The following HYDIN variants were observed in gnomAD, a reference collection of about 807,000 sequenced individuals.
HYDIN encodes HYDIN axonemal central pair apparatus protein.
In HYDIN, 132 loss-of-function variants were observed where a neutral mutation model predicts 403.9. The ratio of observed to expected loss-of-function variants is 0.33; its 90% CI spans 0.28 to 0.38. The LOEUF is 0.38. Ranked by LOEUF, HYDIN falls within the 10% of genes least tolerant of loss-of-function variation. The pLI, the probability that HYDIN is intolerant of heterozygous loss-of-function variation, is 1.00. For missense variants in HYDIN, 2,827 were observed against 5,009.5 expected, an observed-to-expected ratio of 0.56 and a Z score of 13.15; for synonymous variants, 1,202 against 1,891.7, an observed-to-expected ratio of 0.64 and a Z score of 9.46.
rs1372123993 is a variant in HYDIN at position 70,920,946 on chromosome 16, T to A, written c.7430A>T (p.Lys2477Met). 6.2e-7 allele frequency: 1 copy of A among 1,612,638 alleles called. No individual in the cohort carries two copies. Among genetic ancestry groups the A allele is most frequent in the East Asian group, 2.2e-5 (1 of 44,856 alleles). The change falls in exon 46 of 86, where the codon AAG (lysine) becomes ATG (methionine). Residue 2477 changes from lysine (K) to methionine (M), a missense_variant. Lys to Met is a moderately conservative substitution (Grantham distance 95, BLOSUM62 -1). Coordinates refer to ENST00000393567, the MANE Select transcript of HYDIN (RefSeq NM_001270974.2). The stretch of plus-strand genomic sequence containing the variant: ...TGCAGGAGGCAGCTGGACTCCTTGC[T>A]TCCGGTCCCAGTACATGAGGATGTT... Reference protein sequence around the residue: ...VQNILMYWDRKQGVQLPPAGM... With the variant: ...VQNILMYWDRMQGVQLPPAGM...
intron 83 of HYDIN, among the ~76,000 whole-genome samples, chr16:70,819,624 G>T (rs1228678900): frequency 6.8e-6 from 1 of 146,830 alleles, no homozygotes; most frequent in Non-Finnish European, 1.5e-5. Flanking sequence ...GACTGATAAT[G>T]TTCAGCATCT....
intron 1 of HYDIN, among the ~76,000 whole-genome samples, chr16:71,196,487 T>C (rs143336152): frequency 2.4e-4 from 36 of 152,292 alleles, no homozygotes; most frequent in African/African-American, 8.4e-4. Context: ...ATCTACACCA[T>C]TGGCTCTCCA....
At chr16:70,951,403 C>G (rs12051078) in intron 41 of HYDIN, among the ~76,000 whole-genome samples, 2 of 152,148 alleles carry the variant, frequency 1.3e-5, no homozygotes, top group African/African-American at 4.8e-5. Context: ...TGCTTCTATA[C>G]TGGAAGCAGT....
At chr16:71,190,036 C>T (rs2087350572) in intron 1 of HYDIN, among the ~76,000 whole-genome samples, 1 of 152,000 alleles carries the variant, frequency 6.6e-6, no homozygotes, top group South Asian at 2.1e-4. Context: ...AAAATAAATA[C>T]AAGCTTGCGA....
chr16:70,897,613 T>A (rs2143740023), intron 53 of HYDIN, among the ~76,000 whole-genome samples: 1 of 142,238 alleles, frequency 7.0e-6, no homozygotes, highest in African/African-American at 3.0e-5. Flanking sequence ...TTCCCCAGGG[T>A]GGGTCGGAGG....
At chr16:70,974,854 C>T (rs938570053) in intron 31 of HYDIN, among the ~76,000 whole-genome samples, 184 bp from the exon 32 acceptor site, 1 of 152,156 alleles carries the variant, frequency 6.6e-6, no homozygotes, top group African/African-American at 2.4e-5. Context: ...AGATTCACAC[C>T]ACTGTTTTGG....
Position 70,818,456 on chromosome 16 carries a change from C to T in HYDIN, c.14544G>A (p.Ala4848=), listed in dbSNP as rs373475539. ...GGTTCTCCAACTTGATGGAGGCTGA[C>T]GCAACTTGCCGGACTGGGGTCACCA... ...IEMVTPVRQV[A]SASIKLENPL... Residue 4848 remains alanine (A), a synonymous_variant, in exon 84 of 86, where the codon GCG becomes GCA. Coordinates refer to ENST00000393567, the MANE Select transcript of HYDIN (RefSeq NM_001270974.2). 47 of 1,590,490 alleles carry T rather than the reference C, an allele frequency of 3.0e-5. No homozygotes were observed. Among genetic ancestry groups the T allele is most frequent in the African/African-American group, 5.4e-5 (4 of 74,156 alleles).
At chr16:70,916,398 T>C (rs1390052857) in intron 47 of HYDIN, among the ~76,000 whole-genome samples, 2 of 152,282 alleles carry the variant, frequency 1.3e-5, no homozygotes, top group East Asian at 3.9e-4. Flanking sequence ...TCTTCTCCTT[T>C]AAACTAGACC....
At chr16:70,991,153 T>C in intron 25 of HYDIN, 165 bp downstream of exon 25, 1 of 946,972 alleles carries the variant, frequency 1.1e-6, no homozygotes, top group Non-Finnish European at 1.5e-6. Flanking sequence ...TCTCACTGAG[T>C]GTTGGCTCTG....
intron 27 of HYDIN, among the ~76,000 whole-genome samples, chr16:70,986,836 A>G (rs1388388049): frequency 9.3e-6 from 1 of 107,688 alleles, no homozygotes; most frequent in Non-Finnish European, 1.9e-5. Context: ...TGAGAGGGAT[A>G]AGGTAAGACA....
intron 18 of HYDIN, among the ~76,000 whole-genome samples, chr16:71,047,059 C>T (rs1344235930): frequency 6.6e-6 from 1 of 151,996 alleles, no homozygotes; most frequent in Non-Finnish European, 1.5e-5. Flanking sequence ...ATGATAGGTG[C>T]TAGCTGTATA....
intron 75 of HYDIN, among the ~76,000 whole-genome samples, chr16:70,841,481 T>G (rs2143545476): frequency 6.6e-6 from 1 of 152,088 alleles, no homozygotes; most frequent in African/African-American, 2.4e-5. Flanking sequence ...CTTCCCGAAC[T>G]CTCAATGACC....
At chr16:71,193,098 C>T (rs2087517009) in intron 1 of HYDIN, among the ~76,000 whole-genome samples, 1 of 152,206 alleles carries the variant, frequency 6.6e-6, no homozygotes, top group Admixed American at 6.5e-5. Flanking sequence ...AAATACAGTG[C>T]ATTGTAATTA....
intron 43 of HYDIN, among the ~76,000 whole-genome samples, chr16:70,940,635 G>A (rs1381914710): frequency 1.3e-5 from 2 of 152,238 alleles, no homozygotes; most frequent in East Asian, 1.9e-4. Flanking sequence ...GGAGAAATGA[G>A]CTTTCTGGAA....
rs565357153 is a variant in HYDIN at position 70,838,209 on chromosome 16, G to C, written c.13044-321C>G. Among the ~76,000 whole-genome samples, 6 of 150,248 alleles carry C rather than the reference G, an allele frequency of 4.0e-5. No homozygotes were observed. The South Asian group carries it at 1.3e-3, about 32-fold the overall frequency. ...TTCTTTCTTTCTTTCTTTTTTTTTG[G>C]AGACAGAGTCTCACTCTGTCACCCA... On this transcript the variant is annotated intron_variant, in intron 76 of 85. Transcript: ENST00000393567.
At chr16:71,202,821 A>G (rs1362287996) in intron 1 of HYDIN, among the ~76,000 whole-genome samples, 1 of 152,178 alleles carries the variant, frequency 6.6e-6, no homozygotes, top group Non-Finnish European at 1.5e-5. Context: ...TTGGCTATCC[A>G]GTGTAATTCC....
rs558912355 is a variant in HYDIN at position 70,910,378 on chromosome 16, G to A, written c.8005-1517C>T. Reference sequence around the variant, plus strand: ...TACTTCACTTAGAATAATAGTCTCCGATATCATTCAGGTAGCTGTGAATGC... The same window carrying A: ...TACTTCACTTAGAATAATAGTCTCCAATATCATTCAGGTAGCTGTGAATGC... On this transcript the variant is annotated intron_variant, in intron 47 of 85. Transcript: ENST00000393567. Among the ~76,000 whole-genome samples, 127 of 152,144 alleles carry A rather than the reference G, an allele frequency of 8.3e-4. 5 individuals are homozygous for A. In the South Asian group the frequency reaches 0.02, roughly 23 times the overall value.
chr16:71,118,432 T>A (rs1597818253), intron 9 of HYDIN, among the ~76,000 whole-genome samples: 1 of 150,382 alleles, frequency 6.6e-6, no homozygotes, highest in African/African-American at 2.5e-5. Context: ...TCAATCTTCA[T>A]GGCTCTTAGT....
At chr16:71,208,510 G>A (rs1271935820) in intron 1 of HYDIN, among the ~76,000 whole-genome samples, 1 of 151,982 alleles carries the variant, frequency 6.6e-6, no homozygotes, top group Non-Finnish European at 1.5e-5. Context: ...AGAAGCAAGA[G>A]CAAACCAACC....
Sources: allele counts gnomAD v4.1 joint callset (sites outside exome capture counted in the v4.1 genomes callset), GRCh38; gene constraint gnomAD v4.1.1; transcripts MANE v1.5; gene names NCBI Gene and HGNC (gene_info 2026-07-23, HGNC 2026-07-21).